The following SH3BGR variants were observed in gnomAD, a reference collection of about 807,000 sequenced individuals.
The protein encoded by SH3BGR is SH3 domain binding glutamate rich protein.
A neutral mutation model predicts 24.5 loss-of-function variants in SH3BGR; 29 were observed. That is an observed-to-expected ratio of 1.18 (90% CI 0.88 to 1.61). The LOEUF (loss-of-function observed/expected upper bound fraction) is 1.61. Among genes scored for constraint, SH3BGR ranks in the 40% most tolerant of loss-of-function variants. The pLI is 0.00. For missense variants in SH3BGR, 162 were observed against 205.8 expected (o/e 0.79, Z 1.30); for synonymous variants, 55 against 65.7 (o/e 0.84, Z 0.79).
chr21:39,450,768 G>A (rs996890933), upstream of SH3BGR, among the ~76,000 whole-genome samples: 18 of 152,126 alleles, frequency 1.2e-4, no homozygotes, highest in African/African-American at 4.3e-4. Flanking sequence ...GCTAGATTTT[G>A]TATTCCTTTA....
intron 2 of SH3BGR, among the ~76,000 whole-genome samples, chr21:39,468,347 C>G (rs935454435): frequency 6.6e-6 from 1 of 152,194 alleles, no homozygotes; most frequent in Non-Finnish European, 1.5e-5. Flanking sequence ...ATTGTATGCA[C>G]TATCCAGTTT....
intron 4 of SH3BGR, among the ~76,000 whole-genome samples, chr21:39,506,484 T>C (rs1397237954): frequency 2.6e-5 from 4 of 152,110 alleles, no homozygotes; most frequent in Admixed American, 1.3e-4. Context: ...GGGTAATTTA[T>C]AAAGGAAAGA....
At chr21:39,494,811 TC>T (rs2078366077) in intron 3 of SH3BGR, among the ~76,000 whole-genome samples, 1 of 152,058 alleles carries the variant, frequency 6.6e-6, no homozygotes, top group Non-Finnish European at 1.5e-5. Flanking sequence ...TGTTTTCATT[TC>T]CCCTTCTGGC....
chr21:39,489,144 T>C (rs924693654), intron 3 of SH3BGR, among the ~76,000 whole-genome samples: 3 of 152,116 alleles, frequency 2.0e-5, no homozygotes, highest in African/African-American at 4.8e-5. Context: ...AGACCTGATA[T>C]GTGCACGAGA....
rs1329853946 is a variant in SH3BGR at position 39,499,142 on chromosome 21, C to A, written c.313-681C>A. On this transcript the variant is annotated intron_variant, in intron 3 of 6. Transcript: ENST00000333634. ...CATGATTCAGTTACCTCCATCTGGT[C>A]TCTCTCTTGACATGTGGGGATTATT... Among the ~76,000 whole-genome samples, 3 of 151,700 alleles carry A rather than the reference C, an allele frequency of 2.0e-5. No individual in the cohort carries two copies. In the East Asian group the frequency reaches 5.9e-4, roughly 30 times the overall value.
At chr21:39,493,642 T>C (rs2078342707) in intron 3 of SH3BGR, among the ~76,000 whole-genome samples, 1 of 152,206 alleles carries the variant, frequency 6.6e-6, no homozygotes, top group Non-Finnish European at 1.5e-5. Context: ...TTTTTTCTAG[T>C]TCTGTGAGGA....
intron 1 of SH3BGR, among the ~76,000 whole-genome samples, chr21:39,458,403 A>G (rs992184282): frequency 2.0e-5 from 3 of 152,102 alleles, no homozygotes; most frequent in Non-Finnish European, 4.4e-5. Flanking sequence ...CAGTGGTGCA[A>G]TATTGGCTCA....
intron 3 of SH3BGR, among the ~76,000 whole-genome samples, chr21:39,492,383 C>T (rs983886976): frequency 6.6e-6 from 1 of 151,876 alleles, no homozygotes; most frequent in Non-Finnish European, 1.5e-5. Flanking sequence ...TCTCCAATTC[C>T]ATCCAAGTTG....
chr21:39,464,367 C>T (rs1303896306), intron 2 of SH3BGR, among the ~76,000 whole-genome samples: 3 of 152,254 alleles, frequency 2.0e-5, no homozygotes, highest in South Asian at 2.1e-4. Flanking sequence ...AGATTACAGG[C>T]GTGTGCCACT....
upstream of SH3BGR, chr21:39,451,820 G>T: frequency 7.1e-7 from 1 of 1,417,228 alleles, no homozygotes. Context: ...GATAGGGAAA[G>T]GGTCCAGTGG....
intron 3 of SH3BGR, among the ~76,000 whole-genome samples, chr21:39,495,498 G>A (rs992521637): frequency 9.7e-5 from 12 of 124,022 alleles, no homozygotes; most frequent in African/African-American, 3.4e-4. Flanking sequence ...TTTTTTTTTT[G>A]AGTAAAGATC....
At chr21:39,507,503 T>A (rs1308056367) in intron 4 of SH3BGR, among the ~76,000 whole-genome samples, 1 of 152,106 alleles carries the variant, frequency 6.6e-6, no homozygotes, top group Non-Finnish European at 1.5e-5. Context: ...CCAGCTAATT[T>A]TATATTTTTA....
intron 6 of SH3BGR, among the ~76,000 whole-genome samples, chr21:39,514,250 T>C (rs1224886878): frequency 6.6e-6 from 1 of 152,212 alleles, no homozygotes; most frequent in Non-Finnish European, 1.5e-5. Context: ...AGATTATCCA[T>C]GCATTTTATT....
intron 1 of SH3BGR, among the ~76,000 whole-genome samples, chr21:39,446,257 G>A (rs971638103): frequency 1.9e-4 from 29 of 151,220 alleles, no homozygotes; most frequent in African/African-American, 6.6e-4. Flanking sequence ...CAAGTCCAAA[G>A]CAAAAGTCAA....
chr21:39,449,221 C>T (rs1309764123), upstream of SH3BGR, among the ~76,000 whole-genome samples: 1 of 152,232 alleles, frequency 6.6e-6, no homozygotes, highest in Non-Finnish European at 1.5e-5. Context: ...GTAAGGCTGA[C>T]TCTGTAAGAC....
At chr21:39,473,483 C>G (rs1445171270) in intron 2 of SH3BGR, among the ~76,000 whole-genome samples, 2 of 152,170 alleles carry the variant, frequency 1.3e-5, no homozygotes, top group East Asian at 3.9e-4. Context: ...TTCCTTTCAA[C>G]CAAGATTTGA....
upstream of SH3BGR, among the ~76,000 whole-genome samples, chr21:39,447,711 G>A (rs571024364): frequency 5.3e-5 from 8 of 152,222 alleles, no homozygotes; most frequent in African/African-American, 1.4e-4. Context: ...AAGCCACCGT[G>A]CCTGGCCTTT....
chr21:39,464,339 C>T (rs1048847549), intron 2 of SH3BGR, among the ~76,000 whole-genome samples: 15 of 152,222 alleles, frequency 9.9e-5, no homozygotes, highest in African/African-American at 3.4e-4. Flanking sequence ...TCTCCTGCCT[C>T]AGCCTCTTGA....
At chr21:39,451,679 A>G (rs997258995), upstream of SH3BGR, among the ~76,000 whole-genome samples, 1 of 151,268 alleles carries the variant, frequency 6.6e-6, no homozygotes, top group African/African-American at 2.4e-5. Flanking sequence ...CTCCTCCCTC[A>G]CTTCTTTCGC....
Sources: gnomAD v4.1 joint callset for allele counts (sites outside exome capture counted in the v4.1 genomes callset) on GRCh38, gnomAD v4.1.1 for gene constraint, MANE v1.5 for transcripts, NCBI Gene and HGNC (gene_info 2026-07-23, HGNC 2026-07-21) for gene names.